The following STXBP5L variants were observed in gnomAD, a reference collection of about 807,000 sequenced individuals.
The protein encoded by STXBP5L is syntaxin binding protein 5L.
Under a neutral mutation model 144.5 loss-of-function variants are expected in STXBP5L, and 65 were observed. The ratio of observed to expected loss-of-function variants is 0.45; its 90% CI spans 0.37 to 0.55. STXBP5L has a LOEUF of 0.55. Among genes scored for constraint, STXBP5L ranks in the 20% least tolerant of loss-of-function variants. The probability of loss-of-function intolerance (pLI) is 0.00; values close to 1 mark genes in which losing one functional copy is unlikely to be tolerated. For synonymous variants in STXBP5L, 505 were observed against 469.6 expected (o/e 1.08, Z -0.97); for missense variants, 1,298 against 1,405.5 (o/e 0.92, Z 1.22).
In STXBP5L at chr3:121,157,605, T is replaced by C; in HGVS notation, c.855T>C (p.Pro285=). 6.2e-7 allele frequency: 1 copy of C among 1,602,498 alleles called. No individual in the cohort carries two copies. Among genetic ancestry groups the C allele is most frequent in the Non-Finnish European group, 8.5e-7 (1 of 1,175,224 alleles). Residue 285 remains proline (P), a synonymous_variant, in exon 9 of 27, where the codon CCT becomes CCC. Coordinates refer to ENST00000471454, the MANE Select transcript of STXBP5L (RefSeq NM_001308330.2). ...GGAACCTGAAAAGCCCAAGTCGCCC[T>C]TTCCAGACCACAATTCCACATGGTA... ...TLWNLKSPSR[P]FQTTIPHGKS... is the part of the protein sequence containing the mutation.
At chr3:121,007,142 A>T (rs1418162152) in intron 3 of STXBP5L, among the ~76,000 whole-genome samples, 11 of 152,112 alleles carry the variant, frequency 7.2e-5, no homozygotes, top group African/African-American at 2.6e-4. Context: ...AAAGTTATTG[A>T]AATTATACTT....
chr3:121,011,763 C>CTT (rs201669059), intron 3 of STXBP5L, among the ~76,000 whole-genome samples: 1 of 150,440 alleles, frequency 6.6e-6, no homozygotes, highest in Non-Finnish European at 1.5e-5. Flanking sequence ...TTTGTTATAT[C>CTT]TTTTTTTTTG....
chr3:120,916,785 C>G (rs1490409923), intron 2 of STXBP5L, among the ~76,000 whole-genome samples: 2 of 152,038 alleles, frequency 1.3e-5, no homozygotes, highest in Non-Finnish European at 2.9e-5. Flanking sequence ...CTTCTTTTAT[C>G]TTTCTTTTAT....
intron 3 of STXBP5L, among the ~76,000 whole-genome samples, chr3:121,016,763 G>A (rs962601004): frequency 2.6e-5 from 4 of 152,172 alleles, no homozygotes; most frequent in Non-Finnish European, 5.9e-5. Flanking sequence ...GAATAGGCCT[G>A]TATCTATTGA....
At chr3:121,029,611 A>G (rs77568129) in intron 3 of STXBP5L, among the ~76,000 whole-genome samples, 18,263 of 152,194 alleles carry the variant, frequency 0.12, 1,152 homozygotes, top group Non-Finnish European at 0.14. Context: ...CATTCAGGAC[A>G]TAGGCATGGG....
intron 9 of STXBP5L, among the ~76,000 whole-genome samples, chr3:121,187,428 G>A (rs1225701604): frequency 7.4e-6 from 1 of 135,482 alleles, no homozygotes; most frequent in Non-Finnish European, 1.6e-5. Context: ...GGAGGGGGGA[G>A]GGATAGCATT....
chr3:121,272,351 GA>G (rs2050757333), intron 18 of STXBP5L, among the ~76,000 whole-genome samples: 1 of 152,086 alleles, frequency 6.6e-6, no homozygotes, highest in Non-Finnish European at 1.5e-5. Context: ...CTTCTTGATG[GA>G]TTGACTTCTT....
At chr3:120,920,688 T>C (rs1311724726) in intron 2 of STXBP5L, among the ~76,000 whole-genome samples, 1 of 151,758 alleles carries the variant, frequency 6.6e-6, no homozygotes, top group East Asian at 1.9e-4. Flanking sequence ...CAATATACTC[T>C]CTGTCTTCAT....
intron 3 of STXBP5L, among the ~76,000 whole-genome samples, chr3:120,955,823 C>T (rs1445127143): frequency 1.3e-5 from 2 of 151,942 alleles, no homozygotes; most frequent in Non-Finnish European, 2.9e-5. Context: ...CCCCTAACAA[C>T]CACTAATTTG....
chr3:120,942,255 A>T (rs1326226224), intron 2 of STXBP5L, among the ~76,000 whole-genome samples: 1 of 151,728 alleles, frequency 6.6e-6, no homozygotes, highest in Non-Finnish European at 1.5e-5. Flanking sequence ...TGAATACTAA[A>T]TTCTGATGGG....
At chr3:121,004,960 T>G (rs1286220848) in intron 3 of STXBP5L, among the ~76,000 whole-genome samples, 2 of 152,208 alleles carry the variant, frequency 1.3e-5, no homozygotes, top group Admixed American at 6.5e-5. Flanking sequence ...TGCCAGTATT[T>G]TGTTGAGGAT....
intron 3 of STXBP5L, among the ~76,000 whole-genome samples, chr3:121,005,944 C>T (rs1350492611): frequency 6.6e-6 from 1 of 152,140 alleles, no homozygotes; most frequent in East Asian, 1.9e-4. Context: ...TGTTCTTTTA[C>T]ATTTGCTGAG....
chr3:120,947,963 C>T (rs1003221180), intron 2 of STXBP5L, among the ~76,000 whole-genome samples: 1 of 151,564 alleles, frequency 6.6e-6, no homozygotes, highest in Admixed American at 6.6e-5. Flanking sequence ...TGGGTTTATG[C>T]CCAGGAGCAG....
In STXBP5L at chr3:121,299,632, C is replaced by T. The variant is rs76367177; in HGVS notation, c.2111-18843C>T. Among the ~76,000 whole-genome samples, 252 of 152,030 alleles carry T rather than the reference C, an allele frequency of 1.7e-3. 1 individual carries two copies. The highest frequency in any genetic ancestry group is 2.7e-3 in the Non-Finnish European group (185 of 67,974). On this transcript the variant is annotated intron_variant, in intron 19 of 26. Coordinates refer to ENST00000471454, the MANE Select transcript of STXBP5L (RefSeq NM_001308330.2). ...TCAGTGACTTTGGCTGAAATTTTTTCCAAATTTGATGAAAAACATCAACTT... is the reference window on the plus strand; with the variant it reads ...TCAGTGACTTTGGCTGAAATTTTTTTCAAATTTGATGAAAAACATCAACTT...
At chr3:121,175,250 C>T (rs2046888346) in intron 9 of STXBP5L, among the ~76,000 whole-genome samples, 1 of 152,086 alleles carries the variant, frequency 6.6e-6, no homozygotes, top group South Asian at 2.1e-4. Flanking sequence ...AAATACCAGA[C>T]ATCTCTAGAG....
Position 121,405,435 on chromosome 3 carries a change from C to T in STXBP5L, c.2588-1808C>T, listed in dbSNP as rs145722366. 1.5e-3 allele frequency among the ~76,000 whole-genome samples: 232 copies of T among 152,152 alleles called. 3 individuals are homozygous for T. Among genetic ancestry groups the T allele is most frequent in the African/African-American group, 5.3e-3 (219 of 41,514 alleles). On this transcript the variant is annotated intron_variant, in intron 22 of 26. Coordinates refer to ENST00000471454, the MANE Select transcript of STXBP5L (RefSeq NM_001308330.2). ...CAGGGACTTTTGTCTGTTTTATTCA[C>T]CACTATATTGACTATGACTAAAATA...
At chr3:121,080,107 G>T (rs1157859544) in intron 5 of STXBP5L, among the ~76,000 whole-genome samples, 1 of 151,824 alleles carries the variant, frequency 6.6e-6, no homozygotes, top group African/African-American at 2.4e-5. Context: ...AACTGTTATT[G>T]TTTTAAAGTC....
At chr3:121,004,238 T>C (rs1944057276) in intron 3 of STXBP5L, among the ~76,000 whole-genome samples, 7 of 151,968 alleles carry the variant, frequency 4.6e-5, no homozygotes, top group Admixed American at 3.9e-4. Flanking sequence ...AGCAGTGGTT[T>C]GTAGCTCTCC....
intron 7 of STXBP5L, among the ~76,000 whole-genome samples, chr3:121,130,265 A>G (rs1015016270): frequency 1.3e-5 from 2 of 151,962 alleles, no homozygotes; most frequent in African/African-American, 4.8e-5. Context: ...TTTCAAAGCA[A>G]CTCCTGACAT....
Sources: allele counts gnomAD v4.1 joint callset (sites outside exome capture counted in the v4.1 genomes callset), GRCh38; gene constraint gnomAD v4.1.1; transcripts MANE v1.5; gene names NCBI Gene and HGNC (gene_info 2026-07-23, HGNC 2026-07-21).